Variants in ZFP82 observed in about 807,000 individuals in gnomAD.
ZFP82 encodes the protein ZFP82 zinc finger protein, also known as zinc finger protein 82 homolog.
A neutral mutation model predicts 54.0 loss-of-function variants in ZFP82; 30 were observed. The observed-to-expected ratio is 0.56, with a 90% confidence interval of 0.42 to 0.75. ZFP82 has a LOEUF of 0.75. Ranked by LOEUF, ZFP82 falls within the 30% of genes least tolerant of loss-of-function variation. The probability of loss-of-function intolerance (pLI) is 0.00; values close to 1 mark genes in which losing one functional copy is unlikely to be tolerated. For synonymous variants in ZFP82, 194 were observed against 209.5 expected, an observed-to-expected ratio of 0.93 and a Z score of 0.64; for missense variants, 500 against 636.8, an observed-to-expected ratio of 0.79 and a Z score of 2.31.
rs1165706150 is a variant in ZFP82 at position 36,416,756 on chromosome 19, C to CAAA, written c.-79+1733_-79+1735dup. ...GGGAAATAAGAGCGAAACTCCGTCT[C>CAAA]AAAAAAAAAAAAAAAAAAAAGAATT... is the stretch of plus-strand genomic sequence containing the variant. On this transcript the variant is annotated intron_variant, in intron 1 of 4. Coordinates refer to ENST00000392161, the MANE Select transcript of ZFP82 (RefSeq NM_133466.4). Among the ~76,000 whole-genome samples, 13 of 68,870 alleles carry CAAA rather than the reference C, an allele frequency of 1.9e-4. 1 individual carries two copies. The highest frequency in any genetic ancestry group is 2.7e-4 in the Non-Finnish European group (10 of 36,486). The allele number at this position is 68,870 out of a possible 152,430, so 45.2% of individuals were successfully genotyped here.
chr19:36,406,314 A>G (rs2032480698), intron 3 of ZFP82, among the ~76,000 whole-genome samples: 1 of 152,216 alleles, frequency 6.6e-6, no homozygotes, highest in African/African-American at 2.4e-5. Context: ...TAGTAAATTT[A>G]CAGAGTTGTG....
chr19:36,394,085 C>A lies in ZFP82; in HGVS notation c.255G>T (p.Lys85Asn). The change falls in exon 5 of 5, where the codon AAG becomes AAT. Residue 85 changes from lysine to asparagine, a missense_variant. Physicochemically the swap from Lys to Asn is moderately conservative, Grantham distance 94. Transcript: ENST00000392161. ...AAATGTCATTTTCTAAAGATAACTT[C>A]TTGGTCTCATACTTGGTCTCCAAAT... Reference protein sequence around the residue: ...YPDLETKYETKKLSLENDIYE... With the variant: ...YPDLETKYETNKLSLENDIYE... 1 of 1,609,434 alleles carries A rather than the reference C, an allele frequency of 6.2e-7. No homozygotes were observed. The highest frequency in any genetic ancestry group is 8.5e-7 in the Non-Finnish European group (1 of 1,179,122).
intron 3 of ZFP82, among the ~76,000 whole-genome samples, chr19:36,407,633 T>G (rs553028609): frequency 2.4e-4 from 36 of 152,336 alleles, no homozygotes; most frequent in Non-Finnish European, 4.1e-4. Flanking sequence ...TCTTTGACGC[T>G]GGTGAGGCTA....
chr19:36,408,887 T>C (rs1442960699), intron 2 of ZFP82, among the ~76,000 whole-genome samples: 1 of 152,178 alleles, frequency 6.6e-6, no homozygotes, highest in East Asian at 1.9e-4. Context: ...AATCATTCTT[T>C]TATACTTAGA....
intron 1 of ZFP82, among the ~76,000 whole-genome samples, chr19:36,415,516 T>C (rs139930630): frequency 0.024 from 3,601 of 152,168 alleles, 65 homozygotes; most frequent in Middle Eastern, 0.065. Flanking sequence ...GCCTCCCAAA[T>C]AGCTGGGATT....
chr19:36,411,757 C>G (rs1040992505), intron 1 of ZFP82, among the ~76,000 whole-genome samples: 1 of 150,600 alleles, frequency 6.6e-6, no homozygotes, highest in Admixed American at 6.6e-5. Context: ...CCCAGCTACC[C>G]GGGAGGCTGA....
chr19:36,399,266 T>C (rs1020031144), intron 4 of ZFP82, among the ~76,000 whole-genome samples: 1 of 152,302 alleles, frequency 6.6e-6, no homozygotes, highest in South Asian at 2.1e-4. Flanking sequence ...AGAAATCATA[T>C]ACCAAATCAC....
chr19:36,385,522 G>A (rs1481660796), downstream of ZFP82, among the ~76,000 whole-genome samples: 1 of 152,194 alleles, frequency 6.6e-6, no homozygotes, highest in Non-Finnish European at 1.5e-5. Context: ...TTTTGAACTG[G>A]ATGTCAGAAA....
chr19:36,400,463 T>C (rs2385803), intron 4 of ZFP82, among the ~76,000 whole-genome samples: 103,240 of 152,032 alleles, frequency 0.68, 35,337 homozygotes, highest in African/African-American at 0.76. Flanking sequence ...ATTTTAATCA[T>C]ATCCTGAATA....
chr19:36,392,184 CCCTCTCTA>C lies in ZFP82; in HGVS notation c.*549_*556del, dbSNP rs1338320845. On this transcript the variant is annotated 3_prime_UTR_variant, in exon 5 of 5. Coordinates refer to ENST00000392161, the MANE Select transcript of ZFP82 (RefSeq NM_133466.4). Reference sequence around the variant, plus strand: ...AAGACAGGGTTCAGCAGGTGCCTCTCCCTCTCTACGTAGTTTCAGGGCCTCTTCATGTG... The same window carrying C: ...AAGACAGGGTTCAGCAGGTGCCTCTCCGTAGTTTCAGGGCCTCTTCATGTG... The C allele has an allele frequency of 6.6e-6, 1 of 152,660 alleles. No individual in the cohort carries two copies. Among genetic ancestry groups the C allele is most frequent in the Non-Finnish European group, 1.5e-5 (1 of 68,116 alleles). 9.5% of individuals were successfully genotyped at this position (152,660 alleles called of 1,614,324 possible).
chr19:36,398,312 G>C (rs1273205458), intron 4 of ZFP82, among the ~76,000 whole-genome samples: 4 of 152,184 alleles, frequency 2.6e-5, no homozygotes, highest in African/African-American at 9.6e-5. Flanking sequence ...GCCAAGGTAG[G>C]TGGATCACGA....
chr19:36,406,340 C>T (rs1218604213), intron 3 of ZFP82, among the ~76,000 whole-genome samples: 3 of 152,086 alleles, frequency 2.0e-5, no homozygotes, highest in Admixed American at 2.0e-4. Flanking sequence ...GTCACCATAA[C>T]CCAAACTTAG....
intron 1 of ZFP82, among the ~76,000 whole-genome samples, chr19:36,410,128 T>C (rs2032552803): frequency 6.6e-6 from 1 of 152,120 alleles, no homozygotes; most frequent in African/African-American, 2.4e-5. Flanking sequence ...TTCATAGGCC[T>C]GTTTAGATTC....
chr19:36,399,857 A>G (rs546116704), intron 4 of ZFP82, among the ~76,000 whole-genome samples: 2 of 152,342 alleles, frequency 1.3e-5, no homozygotes, highest in Admixed American at 1.3e-4. Context: ...TTCTGCACTC[A>G]TACTGCAAGT....
chr19:36,402,078 C>G (rs975962036), intron 4 of ZFP82, among the ~76,000 whole-genome samples: 4 of 152,208 alleles, frequency 2.6e-5, no homozygotes, highest in Admixed American at 6.5e-5. Flanking sequence ...TGCTTCCTGA[C>G]TAAATGGATA....
intron 4 of ZFP82, among the ~76,000 whole-genome samples, chr19:36,401,961 T>C (rs142149489): frequency 3.0e-4 from 45 of 152,344 alleles, no homozygotes; most frequent in African/African-American, 8.4e-4. Context: ...ATGTTATTTA[T>C]ACTTTAATCA....
intron 1 of ZFP82, among the ~76,000 whole-genome samples, chr19:36,413,486 C>T (rs1479060716): frequency 6.6e-6 from 1 of 152,090 alleles, no homozygotes; most frequent in Non-Finnish European, 1.5e-5. Context: ...AAATGATGTT[C>T]TACTATATTA....
rs2032235896 is a variant in ZFP82, at chr19:36,393,294, A to G, written c.1046T>C (p.Val349Ala). 1.9e-6 allele frequency: 3 copies of G among 1,612,900 alleles called. No individual in the cohort carries two copies. Among genetic ancestry groups the G allele is most frequent in the African/African-American group, 1.3e-5 (1 of 74,530 alleles). ...ECKECGKAFR[V>A]RQQLTLHQRI... Reference sequence around the variant, plus strand: ...CTGATGGAGTGTTAGTTGTTGTCGCACTCTAAAGGCCTTCCCGCATTCCTT... The same window carrying G: ...CTGATGGAGTGTTAGTTGTTGTCGCGCTCTAAAGGCCTTCCCGCATTCCTT... Residue 349 changes from valine (V) to alanine (A), a missense_variant, in exon 5 of 5, where the codon GTG (valine) becomes GCG (alanine). Val to Ala is a moderately conservative substitution (Grantham distance 64). Transcript: ENST00000392161.
At chr19:36,416,354 C>T (rs2032668165) in intron 1 of ZFP82, among the ~76,000 whole-genome samples, 1 of 152,146 alleles carries the variant, frequency 6.6e-6, no homozygotes, top group African/African-American at 2.4e-5. Flanking sequence ...ATTTTCTCCC[C>T]ATAAAAGTGG....
Sources: gnomAD v4.1 joint callset for allele counts (sites outside exome capture counted in the v4.1 genomes callset) on GRCh38, gnomAD v4.1.1 for gene constraint, MANE v1.5 for transcripts, NCBI Gene and HGNC (gene_info 2026-07-23, HGNC 2026-07-21) for gene names.